Variants in TRMT11 observed in about 807,000 individuals in gnomAD.
TRMT11 encodes the protein tRNA (guanine(10)-N(2))-methyltransferase TRMT11.
In TRMT11, 53 loss-of-function variants were observed where a neutral mutation model predicts 62.8. The observed-to-expected ratio is 0.84, with a 90% confidence interval of 0.68 to 1.06. The LOEUF is 1.06. TRMT11 is among the 50% of genes least tolerant of loss of function. The pLI, the probability that TRMT11 is intolerant of heterozygous loss-of-function variation, is 0.00. For missense variants in TRMT11, 556 were observed against 553.4 expected, an observed-to-expected ratio of 1.00 and a Z score of -0.05; for synonymous variants, 188 against 190.3, an observed-to-expected ratio of 0.99 and a Z score of 0.10.
chr6:126,024,625 G>C (rs1314480397), intron 12 of TRMT11, among the ~76,000 whole-genome samples: 1 of 152,172 alleles, frequency 6.6e-6, no homozygotes, highest in Admixed American at 6.5e-5. Context: ...TAAAGGCCCT[G>C]TCTTCAAATA....
intron 17 of TRMT11, among the ~76,000 whole-genome samples, chr6:126,066,310 T>G (rs1300522511): frequency 1.3e-5 from 2 of 152,190 alleles, no homozygotes; most frequent in African/African-American, 4.8e-5. Context: ...CAGTTTGGGC[T>G]GCCATAACAG....
At chr6:126,258,174 C>T in the TRMT11 span, 1 of 720,568 alleles carries the variant, frequency 1.4e-6, no homozygotes. Flanking sequence ...CTTTGTAGCT[C>T]CTTGTGGTAA....
chr6:126,174,152 C>T (rs1778359595), upstream of TRMT11, among the ~76,000 whole-genome samples: 1 of 152,194 alleles, frequency 6.6e-6, no homozygotes, highest in Admixed American at 6.5e-5. Flanking sequence ...TCGCCCACTC[C>T]TCATAGGCTA....
chr6:126,157,056 A>G (rs1216009714), intron 21 of TRMT11, among the ~76,000 whole-genome samples: 1 of 152,106 alleles, frequency 6.6e-6, no homozygotes, highest in Non-Finnish European at 1.5e-5. Flanking sequence ...TCTGCCCAGG[A>G]AAGCAGAGGA....
At chr6:126,066,922 T>TAA (rs371763379) in intron 17 of TRMT11, among the ~76,000 whole-genome samples, 1 of 137,202 alleles carries the variant, frequency 7.3e-6, no homozygotes. Flanking sequence ...ATTCATGACT[T>TAA]AAAAAAAAAA....
At chr6:126,067,439 A>C (rs1776726255) in intron 17 of TRMT11, among the ~76,000 whole-genome samples, 1 of 152,214 alleles carries the variant, frequency 6.6e-6, no homozygotes, top group Non-Finnish European at 1.5e-5. Context: ...TGGCATCTTC[A>C]AACAGAGTTT....
chr6:126,259,079 G>A, the TRMT11 span, among the ~76,000 whole-genome samples: 1 of 152,076 alleles, frequency 6.6e-6, no homozygotes, highest in Non-Finnish European at 1.5e-5. Context: ...TGCAGTATTT[G>A]GTTTTCTGTT....
the TRMT11 span, chr6:126,258,344 G>A: frequency 1.7e-4 from 66 of 378,852 alleles, 1 homozygote; most frequent in Admixed American, 1.9e-3. Context: ...CTGCCATGGC[G>A]GCTGCCAGGG....
At chr6:126,000,494 C>T (rs575148454) in intron 7 of TRMT11, among the ~76,000 whole-genome samples, 17 of 152,150 alleles carry the variant, frequency 1.1e-4, no homozygotes, top group African/African-American at 3.6e-4. Context: ...TAAAAATTTG[C>T]TTGAGGAAAT....
chr6:126,128,544 T>C (rs1464581027), intron 21 of TRMT11, among the ~76,000 whole-genome samples: 1 of 152,108 alleles, frequency 6.6e-6, no homozygotes, highest in Non-Finnish European at 1.5e-5. Context: ...ACTTACTGTG[T>C]TTTAACTAGA....
At chr6:126,270,110 A>G in the TRMT11 span, among the ~76,000 whole-genome samples, 21 of 152,374 alleles carry the variant, frequency 1.4e-4, no homozygotes, top group East Asian at 3.7e-3. Context: ...TGTATCTCAG[A>G]TACATGGCAT....
intron 21 of TRMT11, among the ~76,000 whole-genome samples, chr6:126,149,904 G>A (rs1562334163): frequency 6.6e-6 from 1 of 152,158 alleles, no homozygotes; most frequent in Non-Finnish European, 1.5e-5. Context: ...GTCTGTATTA[G>A]TATGACTATA....
rs188439771 is a variant in TRMT11 at position 126,078,440 on chromosome 6, C to T, written c.*1437+25250C>T. On this transcript the variant is annotated intron_variant and NMD_transcript_variant, in intron 17 of 22. Transcript: ENST00000648977. ...TTGGACTCAGGCATTTTTTTTCTTC[C>T]GTTCCTGATTTCATTTTGTTATTCT... 5.3e-4 allele frequency among the ~76,000 whole-genome samples: 80 copies of T among 150,538 alleles called. 1 individual carries two copies. The highest frequency in any genetic ancestry group is 1.6e-3 in the African/African-American group (67 of 40,990).
intron 21 of TRMT11, among the ~76,000 whole-genome samples, chr6:126,159,616 T>C (rs1778166148): frequency 1.3e-5 from 2 of 152,208 alleles, no homozygotes; most frequent in Admixed American, 1.3e-4. Context: ...TGTTTTAGTT[T>C]CCTATGTCTG....
At chr6:126,200,423 A>G (rs1009900026) in intron 3 of TRMT11, among the ~76,000 whole-genome samples, 1 of 152,238 alleles carries the variant, frequency 6.6e-6, no homozygotes, top group African/African-American at 2.4e-5. Context: ...ATACAAAGTC[A>G]GAAGTTAAAA....
chr6:126,166,563 G>A (rs114494682), intron 21 of TRMT11, among the ~76,000 whole-genome samples: 2,751 of 152,276 alleles, frequency 0.018, 78 homozygotes, highest in African/African-American at 0.063. Context: ...TGTATAAGGT[G>A]TCTCCCAGAC....
At position 126,051,122 on chromosome 6, in the gene TRMT11, G is replaced by T. The variant is rs113450035; in HGVS notation, c.*1370-2001G>T. On this transcript the variant is annotated intron_variant and NMD_transcript_variant, in intron 16 of 22. Coordinates refer to the TRMT11 transcript ENST00000648977. Reference sequence around the variant, plus strand: ...AGTTTTTATATTGGGTTTAATAACTGTATTGTGAGATATATTATTTATACC... The same window carrying T: ...AGTTTTTATATTGGGTTTAATAACTTTATTGTGAGATATATTATTTATACC... Among the ~76,000 whole-genome samples the T allele has an allele frequency of 2.4e-3, 361 of 152,282 alleles. 2 individuals are homozygous for T. The highest frequency in any genetic ancestry group is 8.3e-3 in the African/African-American group (344 of 41,548).
intron 3 of TRMT11, among the ~76,000 whole-genome samples, chr6:126,201,704 A>AT (rs1778736189): frequency 6.6e-6 from 1 of 151,328 alleles, no homozygotes; most frequent in Non-Finnish European, 1.5e-5. Context: ...CTTCTCCTAT[A>AT]TTTTTTCCTT....
chr6:126,182,991 A>C (rs2128241810), intron 1 of TRMT11, among the ~76,000 whole-genome samples: 1 of 152,142 alleles, frequency 6.6e-6, no homozygotes, highest in East Asian at 1.9e-4. Flanking sequence ...CCCTACAGGG[A>C]GGTGAGGTTT....
Sources: gnomAD v4.1 joint callset for allele counts (sites outside exome capture counted in the v4.1 genomes callset) on GRCh38, gnomAD v4.1.1 for gene constraint, MANE v1.5 for transcripts, NCBI Gene and HGNC (gene_info 2026-07-23, HGNC 2026-07-21) for gene names.